CSMD1: variants seen among roughly 807,000 people sequenced by gnomAD.
The protein encoded by CSMD1 is CUB and Sushi multiple domains 1, also known as CUB and sushi domain-containing protein 1.
A neutral mutation model predicts 417.5 loss-of-function variants in CSMD1; 213 were observed. The observed-to-expected ratio is 0.51, with a 90% CI of 0.46 to 0.57. The LOEUF (loss-of-function observed/expected upper bound fraction) is 0.57, where lower values mean the gene tolerates loss of function less well. Ranked by LOEUF, CSMD1 falls within the 20% of genes least tolerant of loss-of-function variation. The pLI is 0.00. For missense variants in CSMD1, 6,923 were observed against 4,529.7 expected (o/e 1.53, Z -15.17); for synonymous variants, 2,862 against 1,736.8 (o/e 1.65, Z -16.11).
chr8:3,473,943 G>A (rs1159988719), intron 11 of CSMD1, among the ~76,000 whole-genome samples: 1 of 152,138 alleles, frequency 6.6e-6, no homozygotes, highest in African/African-American at 2.4e-5. Context: ...GAGAGCATGT[G>A]AGGGAGGAAA....
intron 1 of CSMD1, among the ~76,000 whole-genome samples, chr8:4,861,735 T>C (rs1802143614): frequency 6.6e-6 from 1 of 152,126 alleles, no homozygotes; most frequent in African/African-American, 2.4e-5. Flanking sequence ...CGTTAAAGAA[T>C]GTACAAAGGA....
At chr8:4,130,966 A>C (rs777636089) in intron 3 of CSMD1, among the ~76,000 whole-genome samples, 1 of 152,256 alleles carries the variant, frequency 6.6e-6, no homozygotes, top group Middle Eastern at 3.4e-3. Context: ...AATAGAAAAC[A>C]TTATACTTTG....
At chr8:3,641,143 C>G (rs1476932771) in intron 7 of CSMD1, among the ~76,000 whole-genome samples, 1 of 150,870 alleles carries the variant, frequency 6.6e-6, no homozygotes, top group African/African-American at 2.4e-5. Flanking sequence ...TCAGACAGAC[C>G]GGTTCTCTGA....
chr8:4,360,010 A>T (rs1584954444), intron 3 of CSMD1, among the ~76,000 whole-genome samples: 1 of 152,304 alleles, frequency 6.6e-6, no homozygotes, highest in East Asian at 1.9e-4. Context: ...CCAGTTGTGG[A>T]GTTCCAGCTC....
At chr8:3,262,231 A>ATATATATATATATATAT (rs1801134855) in intron 26 of CSMD1, among the ~76,000 whole-genome samples, 7 of 89,906 alleles carry the variant, frequency 7.8e-5, no homozygotes, top group African/African-American at 2.7e-4. Flanking sequence ...ATATATATAT[A>ATATATATATATATATAT]CACACACATA....
At chr8:3,944,060 C>G (rs994000837) in intron 5 of CSMD1, among the ~76,000 whole-genome samples, 2 of 151,992 alleles carry the variant, frequency 1.3e-5, no homozygotes, top group African/African-American at 2.4e-5. Flanking sequence ...TTTTTGCTCT[C>G]AACTATTTCA....
rs1481459438 is a variant in CSMD1 at position 4,232,650 on chromosome 8, C to G, written c.415+187303G>C. Among the ~76,000 whole-genome samples the G allele has an allele frequency of 2.0e-5, 3 of 152,210 alleles. No homozygotes were observed. In the South Asian group the frequency reaches 6.2e-4, roughly 32 times the overall value. On this transcript the variant is annotated intron_variant, in intron 3 of 69. Transcript: ENST00000635120. ...GATGAAGGGTATTTCATCACTAAAT[C>G]TTACTTTCTTAACTAAAACTCTCAC...
intron 2 of CSMD1, among the ~76,000 whole-genome samples, chr8:4,426,020 T>C (rs1797530127): frequency 1.3e-5 from 2 of 152,016 alleles, no homozygotes; most frequent in African/African-American, 2.4e-5. Context: ...AAAATGTGTT[T>C]TCCAAATCTC....
At chr8:4,674,427 T>A (rs1455637182) in intron 1 of CSMD1, among the ~76,000 whole-genome samples, 1 of 152,110 alleles carries the variant, frequency 6.6e-6, no homozygotes, top group African/African-American at 2.4e-5. Context: ...GGTAGGGTGA[T>A]GCCAGGATGG....
intron 3 of CSMD1, among the ~76,000 whole-genome samples, chr8:4,397,744 GA>G (rs1804353479): frequency 1.3e-5 from 2 of 151,824 alleles, no homozygotes; most frequent in Admixed American, 6.6e-5. Context: ...AAATATGTTT[GA>G]ATAACAAAGA....
chr8:3,503,600 G>T (rs946703041), intron 10 of CSMD1, among the ~76,000 whole-genome samples: 1 of 152,174 alleles, frequency 6.6e-6, no homozygotes, highest in Non-Finnish European at 1.5e-5. Flanking sequence ...AGTCCCTTTT[G>T]TCAGCTTTAA....
At chr8:4,197,174 A>G (rs747416808) in intron 3 of CSMD1, among the ~76,000 whole-genome samples, 1 of 152,188 alleles carries the variant, frequency 6.6e-6, no homozygotes, top group Non-Finnish European at 1.5e-5. Flanking sequence ...TACGGTCAAA[A>G]AATGTGTATA....
chr8:4,244,820 T>C (rs144809920), intron 3 of CSMD1, among the ~76,000 whole-genome samples: 4 of 152,326 alleles, frequency 2.6e-5, no homozygotes, highest in East Asian at 1.9e-4. Flanking sequence ...TATATATGTA[T>C]GTATATGTTC....
At chr8:3,781,825 G>T (rs1011565809) in intron 5 of CSMD1, among the ~76,000 whole-genome samples, 2 of 152,062 alleles carry the variant, frequency 1.3e-5, no homozygotes, top group East Asian at 1.9e-4. Context: ...TTATGATTTT[G>T]CTCTCTATAC....
chr8:4,401,307 C>G (rs558719043), intron 3 of CSMD1, among the ~76,000 whole-genome samples: 1 of 152,112 alleles, frequency 6.6e-6, no homozygotes. Context: ...TATAATATTT[C>G]TACAGGAATA....
At chr8:4,971,104 T>C (rs981511568) in intron 1 of CSMD1, among the ~76,000 whole-genome samples, 2 of 152,028 alleles carry the variant, frequency 1.3e-5, no homozygotes, top group African/African-American at 2.4e-5. Flanking sequence ...TTTTTTCATA[T>C]ACCAAATTCA....
intron 3 of CSMD1, among the ~76,000 whole-genome samples, chr8:4,376,615 T>C (rs56751170): frequency 0.077 from 11,705 of 152,188 alleles, 572 homozygotes; most frequent in South Asian, 0.12. Flanking sequence ...TAGGGGGGAA[T>C]TAAATAATAT....
chr8:4,811,858 A>C (rs1231491887), intron 1 of CSMD1, among the ~76,000 whole-genome samples: 2 of 152,164 alleles, frequency 1.3e-5, no homozygotes, highest in African/African-American at 4.8e-5. Context: ...CAGTGAAATC[A>C]GTGCCACAGC....
intron 52 of CSMD1, among the ~76,000 whole-genome samples, chr8:3,012,632 T>C (rs925514505): frequency 1.2e-4 from 18 of 152,230 alleles, no homozygotes; most frequent in African/African-American, 4.3e-4. Flanking sequence ...ACCTAAGGTA[T>C]ACAGCCCAAG....
Sources: allele counts gnomAD v4.1 joint callset (sites outside exome capture counted in the v4.1 genomes callset), GRCh38; gene constraint gnomAD v4.1.1; transcripts MANE v1.5; gene names NCBI Gene and HGNC (gene_info 2026-07-23, HGNC 2026-07-21).